Variants in MAPK10 observed in about 807,000 individuals in gnomAD.
MAPK10 encodes the protein mitogen-activated protein kinase 10, also known as JNK3 alpha protein kinase.
Under a neutral mutation model 59.3 loss-of-function variants are expected in MAPK10, and 25 were observed. The observed-to-expected ratio is 0.42, with a 90% CI of 0.31 to 0.59. The LOEUF (loss-of-function observed/expected upper bound fraction) is 0.59. Ranked by LOEUF, MAPK10 falls within the 20% of genes least tolerant of loss-of-function variation. MAPK10 has a pLI of 0.15. For missense variants in MAPK10, 351 were observed against 568.9 expected (o/e 0.62, Z 3.90); for synonymous variants, 190 against 200.5 (o/e 0.95, Z 0.44).
intron 1 of MAPK10, among the ~76,000 whole-genome samples, chr4:86,379,738 T>C (rs572191254): frequency 6.6e-6 from 1 of 152,330 alleles, no homozygotes; most frequent in South Asian, 2.1e-4. Flanking sequence ...CTATAATCTA[T>C]AGAAACAATG....
chr4:86,126,533 C>A lies in MAPK10; in HGVS notation c.237-19181G>T, dbSNP rs181612112. Among the ~76,000 whole-genome samples the A allele has an allele frequency of 2.0e-5, 3 of 152,062 alleles. No individual in the cohort carries two copies. The East Asian group carries it at 5.8e-4, about 29-fold the overall frequency. On this transcript the variant is annotated intron_variant, in intron 4 of 13. Transcript: ENST00000641462. ...AGCTTTAAATATGTTAGAAAAGGGG[C>A]ACTGGATAAAATAAAGGACACAAGT...
At chr4:86,022,929 CAT>C (rs1172950688) in intron 13 of MAPK10, among the ~76,000 whole-genome samples, 1 of 152,160 alleles carries the variant, frequency 6.6e-6, no homozygotes, top group Non-Finnish European at 1.5e-5. Flanking sequence ...TTGAAGCACA[CAT>C]ATTTTTAATT....
chr4:86,308,302 T>C (rs2095607245), intron 2 of MAPK10, among the ~76,000 whole-genome samples: 1 of 152,172 alleles, frequency 6.6e-6, no homozygotes, highest in South Asian at 2.1e-4. Flanking sequence ...AAGAGTTTCT[T>C]ATCTAATTGA....
chr4:86,198,870 GAAGAA>G (rs796368056), intron 2 of MAPK10, among the ~76,000 whole-genome samples: 35 of 151,678 alleles, frequency 2.3e-4, no homozygotes, highest in African/African-American at 7.5e-4. Context: ...TAAAAATCAA[GAAGAA>G]AAGACAAAGG....
At chr4:86,462,539 G>A (rs1042046388) in intron 1 of MAPK10, among the ~76,000 whole-genome samples, 1 of 152,158 alleles carries the variant, frequency 6.6e-6, no homozygotes, top group African/African-American at 2.4e-5. Flanking sequence ...TACAGAAGCA[G>A]ACATTTCAAT....
intron 3 of MAPK10, among the ~76,000 whole-genome samples, chr4:86,185,034 A>G (rs957740266): frequency 6.6e-6 from 1 of 152,114 alleles, no homozygotes; most frequent in Non-Finnish European, 1.5e-5. Flanking sequence ...TATTTGCAGT[A>G]TTTGCACATT....
chr4:86,479,310 A>T (rs151206308), intron 1 of MAPK10, among the ~76,000 whole-genome samples: 3,433 of 152,178 alleles, frequency 0.023, 64 homozygotes, highest in Middle Eastern at 0.054. Context: ...CCACCAACTT[A>T]AAAAGGACTG....
upstream of MAPK10, chr4:86,457,822 A>G (rs2149059502): frequency 6.6e-6 from 1 of 152,288 alleles, no homozygotes; most frequent in South Asian, 2.1e-4. Context: ...TAAAATCCAT[A>G]CGGAACCAAA....
At chr4:86,397,040 A>G (rs1743035809) in intron 1 of MAPK10, among the ~76,000 whole-genome samples, 1 of 152,214 alleles carries the variant, frequency 6.6e-6, no homozygotes, top group Non-Finnish European at 1.5e-5. Context: ...TGTGGCCCAC[A>G]TTATATTTTT....
chr4:86,232,020 A>G (rs548773824), intron 2 of MAPK10, among the ~76,000 whole-genome samples: 1 of 152,348 alleles, frequency 6.6e-6, no homozygotes, highest in Non-Finnish European at 1.5e-5. Context: ...AGCGGTCACC[A>G]AACCTTGTCT....
At chr4:86,257,893 T>C (rs1298134215) in intron 2 of MAPK10, among the ~76,000 whole-genome samples, 1 of 152,158 alleles carries the variant, frequency 6.6e-6, no homozygotes, top group Non-Finnish European at 1.5e-5. Flanking sequence ...AATATACTCT[T>C]GCAGACTCCC....
intron 2 of MAPK10, among the ~76,000 whole-genome samples, chr4:86,307,677 A>T (rs2095594987): frequency 6.6e-6 from 1 of 152,110 alleles, no homozygotes. Flanking sequence ...CATTCAGGAA[A>T]CTGTGAAGAG....
At chr4:86,196,942 A>G (rs1016841790) in intron 2 of MAPK10, among the ~76,000 whole-genome samples, 1 of 152,154 alleles carries the variant, frequency 6.6e-6, no homozygotes. Context: ...TACCAGCACC[A>G]TGCTGTTTTG....
At chr4:86,073,942 G>A in intron 9 of MAPK10, among the ~76,000 whole-genome samples, 1 of 106,768 alleles carries the variant, frequency 9.4e-6, no homozygotes, top group Non-Finnish European at 1.9e-5. Flanking sequence ...CAATTCCTGG[G>A]TATCCTTGTT....
chr4:86,094,449 T>C (rs1381844593), intron 9 of MAPK10, among the ~76,000 whole-genome samples: 2 of 151,990 alleles, frequency 1.3e-5, no homozygotes, highest in African/African-American at 4.8e-5. Flanking sequence ...GCATGCAGTA[T>C]GCCTGTCTTT....
At chr4:86,573,530 C>A (rs377712990) in intron 1 of MAPK10, among the ~76,000 whole-genome samples, 12 of 152,078 alleles carry the variant, frequency 7.9e-5, no homozygotes, top group Non-Finnish European at 1.3e-4. Context: ...CAGTGGGAGG[C>A]CTTTCTTGTT....
At chr4:86,196,478 G>T (rs546463530) in intron 2 of MAPK10, among the ~76,000 whole-genome samples, 6 of 152,166 alleles carry the variant, frequency 3.9e-5, no homozygotes, top group Admixed American at 1.3e-4. Flanking sequence ...TTGTCAGATG[G>T]ATACATTGCA....
chr4:86,212,451 T>C (rs1468254347), intron 2 of MAPK10, among the ~76,000 whole-genome samples: 1 of 151,942 alleles, frequency 6.6e-6, no homozygotes, highest in African/African-American at 2.4e-5. Flanking sequence ...GAGCCAGGAA[T>C]TCAAGGCTGC....
chr4:86,445,765 A>G (rs963167153), intron 1 of MAPK10, among the ~76,000 whole-genome samples: 146 of 152,180 alleles, frequency 9.6e-4, no homozygotes, highest in Admixed American at 2.2e-3. Context: ...TAAAACTACT[A>G]ACAGATCCTG....
Sources: allele counts gnomAD v4.1 joint callset (sites outside exome capture counted in the v4.1 genomes callset), GRCh38; gene constraint gnomAD v4.1.1; transcripts MANE v1.5; gene names NCBI Gene and HGNC (gene_info 2026-07-23, HGNC 2026-07-21).